KHDC1: variants seen among roughly 807,000 people sequenced by gnomAD.
KHDC1 encodes KH domain containing 1.
A neutral mutation model predicts 24.7 loss-of-function variants in KHDC1; 21 were observed. The ratio of observed to expected loss-of-function variants is 0.85; its 90% CI spans 0.60 to 1.23. KHDC1 has a LOEUF of 1.23. Ranked by LOEUF, KHDC1 falls within the 50% of genes most tolerant of loss-of-function variation. The pLI, the probability that KHDC1 is intolerant of heterozygous loss-of-function variation, is 0.00. For synonymous variants in KHDC1, 98 were observed against 111.7 expected, an observed-to-expected ratio of 0.88 and a Z score of 0.77; for missense variants, 274 against 298.5, an observed-to-expected ratio of 0.92 and a Z score of 0.61.
At chr6:73,291,206 T>C in intron 2 of KHDC1, 1 of 462,548 alleles carries the variant, frequency 2.2e-6, no homozygotes, top group Non-Finnish European at 4.3e-6. Flanking sequence ...CATGAATGAC[T>C]GGTCTGCAAC....
intron 2 of KHDC1, among the ~76,000 whole-genome samples, chr6:73,257,084 A>G (rs1414864358): frequency 2.6e-5 from 4 of 152,176 alleles, no homozygotes; most frequent in Admixed American, 2.6e-4. Flanking sequence ...CTTGAGCTCA[A>G]GAGTTTGAGA....
chr6:73,276,504 T>TAA (rs71540378), intron 2 of KHDC1: 41,095 of 147,182 alleles, frequency 0.28, 6,281 homozygotes, highest in African/African-American at 0.41. Context: ...GAAAAGTATT[T>TAA]AAAAAAAAAA....
At chr6:73,286,919 T>A (rs939210859) in intron 2 of KHDC1, among the ~76,000 whole-genome samples, 2 of 149,486 alleles carry the variant, frequency 1.3e-5, no homozygotes, top group Non-Finnish European at 1.5e-5. Context: ...GCTTTCAGGA[T>A]TTAATGCCCT....
intron 2 of KHDC1, among the ~76,000 whole-genome samples, chr6:73,290,154 G>A (rs1486767024): frequency 6.7e-6 from 1 of 150,314 alleles, no homozygotes; most frequent in East Asian, 1.9e-4. Context: ...GTGCATGCCT[G>A]TAGTCCCAGC....
At chr6:73,241,473 A>T in exon 5 of KHDC1, 1 of 1,557,054 alleles carries the variant, frequency 6.4e-7, no homozygotes, top group South Asian at 1.1e-5. Context: ...TCTCACCAAA[A>T]GTGAAGCCAA....
At chr6:73,307,915 T>C (rs949130842) in intron 1 of KHDC1, among the ~76,000 whole-genome samples, 5 of 152,040 alleles carry the variant, frequency 3.3e-5, no homozygotes, top group African/African-American at 1.2e-4. Context: ...TTTGTTTGTT[T>C]TTGAGACAGA....
At chr6:73,281,282 T>C (rs914690178) in intron 2 of KHDC1, among the ~76,000 whole-genome samples, 1 of 151,344 alleles carries the variant, frequency 6.6e-6, no homozygotes, top group African/African-American at 2.4e-5. Flanking sequence ...GAGGTTGCAG[T>C]GAGCCAAGCT....
intron 2 of KHDC1, chr6:73,291,046 C>G (rs1054156300): frequency 2.5e-6 from 1 of 406,790 alleles, no homozygotes; most frequent in Non-Finnish European, 4.8e-6. Context: ...TAGGCTGCAG[C>G]TGAAAAAGGA....
chr6:73,271,308 C>G (rs1212839312), intron 2 of KHDC1, among the ~76,000 whole-genome samples: 1 of 151,658 alleles, frequency 6.6e-6, no homozygotes, highest in Non-Finnish European at 1.5e-5. Flanking sequence ...CCCTCTGGGT[C>G]CAAGTGATTT....
At chr6:73,290,332 G>C (rs1767623169) in intron 2 of KHDC1, 1 of 187,064 alleles carries the variant, frequency 5.3e-6, no homozygotes. Context: ...ACCCAGAGAG[G>C]GGTCCATACA....
rs200343652 is a variant in KHDC1, at chr6:73,244,123, G to A, written c.207-1593C>T. ...AAAAACATCATTTCCTATAGAAGTA[G>A]ATGTTTAAAATATTGAAAAATATTA... On this transcript the variant is annotated intron_variant, in intron 2 of 4. Transcript: ENST00000370384. Among the ~76,000 whole-genome samples, 7 of 152,094 alleles carry A rather than the reference G, an allele frequency of 4.6e-5. No homozygotes were observed. The East Asian group carries it at 1.2e-3, about 25-fold the overall frequency.
chr6:73,298,713 T>C (rs1767809128), intron 1 of KHDC1, among the ~76,000 whole-genome samples: 3 of 151,674 alleles, frequency 2.0e-5, no homozygotes, highest in Non-Finnish European at 4.4e-5. Context: ...GATTACAGGC[T>C]TGAGCCACTA....
At chr6:73,242,419 C>A in exon 3 of KHDC1, 1 of 1,614,182 alleles carries the variant, frequency 6.2e-7, no homozygotes, top group Non-Finnish European at 8.5e-7. Flanking sequence ...AGATGAGCTC[C>A]TCCTGGTCCT....
At chr6:73,292,117 CTT>C in intron 1 of KHDC1, 6 of 1,596,406 alleles carry the variant, frequency 3.8e-6, no homozygotes, top group Non-Finnish European at 4.3e-6. Context: ...ACATGGTAGA[CTT>C]TGCTATGGAT....
At chr6:73,301,544 C>A (rs1035759068) in intron 1 of KHDC1, 2 of 152,116 alleles carry the variant, frequency 1.3e-5, no homozygotes, top group African/African-American at 4.8e-5. Context: ...AAAGGTGAAC[C>A]AACATTCTGT....
At chr6:73,293,312 A>C in intron 1 of KHDC1, 1 of 546,382 alleles carries the variant, frequency 1.8e-6, no homozygotes, top group East Asian at 4.2e-5. Context: ...AAAAACTCTA[A>C]AAGAAAGATG....
chr6:73,304,794 T>A (rs1201978885), intron 1 of KHDC1, among the ~76,000 whole-genome samples: 3 of 152,194 alleles, frequency 2.0e-5, no homozygotes. Flanking sequence ...CCTTTCTGAA[T>A]CTATCAGTCA....
intron 2 of KHDC1, among the ~76,000 whole-genome samples, chr6:73,287,530 T>C (rs1040399055): frequency 5.3e-5 from 8 of 152,156 alleles, no homozygotes; most frequent in Admixed American, 2.0e-4. Context: ...ATACGCCAGT[T>C]TCCAGATCTG....
intron 1 of KHDC1, among the ~76,000 whole-genome samples, chr6:73,303,059 A>G (rs762245802): frequency 6.6e-6 from 1 of 152,252 alleles, no homozygotes; most frequent in Non-Finnish European, 1.5e-5. Flanking sequence ...CCTGGGCAAC[A>G]GAGTGAGACT....
Sources: allele counts gnomAD v4.1 joint callset (sites outside exome capture counted in the v4.1 genomes callset), GRCh38; gene constraint gnomAD v4.1.1; transcripts MANE v1.5; gene names NCBI Gene and HGNC (gene_info 2026-07-23, HGNC 2026-07-21).